ULK4: variants seen among roughly 807,000 people sequenced by gnomAD.
The protein encoded by ULK4 is unc-51 like kinase 4.
ULK4 carries 133 observed loss-of-function variants against 160.6 expected under a neutral mutation model. The observed-to-expected ratio is 0.83, with a 90% confidence interval of 0.72 to 0.96. ULK4 has a LOEUF of 0.96. Among genes scored for constraint, ULK4 ranks in the 40% least tolerant of loss-of-function variants. ULK4 has a pLI of 0.00. For synonymous variants in ULK4, 534 were observed against 539.8 expected, an observed-to-expected ratio of 0.99 and a Z score of 0.15; for missense variants, 1,580 against 1,499.5, an observed-to-expected ratio of 1.05 and a Z score of -0.89.
chr3:41,259,429 T>C (rs1044494618), intron 35 of ULK4, among the ~76,000 whole-genome samples: 7 of 152,256 alleles, frequency 4.6e-5, no homozygotes, highest in African/African-American at 1.7e-4. Context: ...AACCCTGAAG[T>C]TGGCAGCCTC....
intron 34 of ULK4, among the ~76,000 whole-genome samples, chr3:41,416,807 A>G (rs925675432): frequency 2.6e-5 from 4 of 152,152 alleles, no homozygotes; most frequent in Non-Finnish European, 5.9e-5. Flanking sequence ...CAGGAGGAAA[A>G]GGAGGGAGAA....
chr3:41,493,380 C>G (rs1222660139), intron 32 of ULK4, among the ~76,000 whole-genome samples: 2 of 140,794 alleles, frequency 1.4e-5, no homozygotes, highest in East Asian at 2.0e-4. Context: ...TTGAAACCAA[C>G]GAGAACAAAG....
At chr3:41,642,689 C>G (rs2034274565) in intron 30 of ULK4, among the ~76,000 whole-genome samples, 1 of 152,150 alleles carries the variant, frequency 6.6e-6, no homozygotes, top group African/African-American at 2.4e-5. Context: ...ATTTATAGTC[C>G]TTTGGGTATA....
chr3:41,316,632 G>A lies in ULK4; in HGVS notation c.3679-67058C>T, dbSNP rs571855381. ...TTACTAGAAGAGGGAGACAGGGAGCGGGTGTGGGTTGAAAAACTACCTGCT... is the reference window on the plus strand; with the variant it reads ...TTACTAGAAGAGGGAGACAGGGAGCAGGTGTGGGTTGAAAAACTACCTGCT... On this transcript the variant is annotated intron_variant, in intron 35 of 36. Transcript: ENST00000301831. Among the ~76,000 whole-genome samples the A allele has an allele frequency of 5.3e-5, 8 of 152,282 alleles. No individual in the cohort carries two copies. In the South Asian group the frequency reaches 1.2e-3, roughly 24 times the overall value.
intron 21 of ULK4, among the ~76,000 whole-genome samples, chr3:41,758,383 T>A (rs1221191638): frequency 6.6e-6 from 1 of 152,124 alleles, no homozygotes; most frequent in Non-Finnish European, 1.5e-5. Context: ...TTGAAGGAAC[T>A]ATCATTAAAT....
chr3:41,537,165 G>A (rs1020875057), intron 32 of ULK4, among the ~76,000 whole-genome samples: 3 of 149,606 alleles, frequency 2.0e-5, no homozygotes, highest in South Asian at 2.1e-4. Context: ...TCCACGATTC[G>A]TATCTTGAAA....
At chr3:41,305,358 G>A (rs2079886402) in intron 35 of ULK4, among the ~76,000 whole-genome samples, 1 of 152,220 alleles carries the variant, frequency 6.6e-6, no homozygotes, top group Non-Finnish European at 1.5e-5. Flanking sequence ...AGCATGCTGA[G>A]TGCCTGCGAT....
intron 17 of ULK4, among the ~76,000 whole-genome samples, chr3:41,856,631 G>GTA (rs1445291886): frequency 2.3e-5 from 3 of 129,714 alleles, no homozygotes; most frequent in Middle Eastern, 4.2e-3. Context: ...ATATATATAT[G>GTA]TATATATATG....
At chr3:41,905,854 C>A (rs1314755244) in intron 12 of ULK4, among the ~76,000 whole-genome samples, 2 of 152,020 alleles carry the variant, frequency 1.3e-5, no homozygotes, top group African/African-American at 2.4e-5. Context: ...ACAGGTGGAT[C>A]ATTTGAGGTC....
chr3:41,734,803 C>A (rs1319533558), intron 22 of ULK4, among the ~76,000 whole-genome samples: 1 of 152,152 alleles, frequency 6.6e-6, no homozygotes, highest in Non-Finnish European at 1.5e-5. Context: ...GGAAATTGTA[C>A]CATTCACAGT....
At chr3:41,789,323 C>T (rs1209418545) in intron 21 of ULK4, among the ~76,000 whole-genome samples, 1 of 152,064 alleles carries the variant, frequency 6.6e-6, no homozygotes, top group Non-Finnish European at 1.5e-5. Context: ...ACTCCTCCCC[C>T]TAAAAAAGGC....
intron 34 of ULK4, among the ~76,000 whole-genome samples, chr3:41,446,590 G>A (rs1417323180): frequency 6.6e-6 from 1 of 151,406 alleles, no homozygotes; most frequent in African/African-American, 2.4e-5. Flanking sequence ...CATGGATGAA[G>A]CTGGAAACCA....
At position 41,431,547 on chromosome 3, in the gene ULK4, C is replaced by CCTTTTTTTTTTTTTTTTTTTTTTT. The variant is rs563543377; in HGVS notation, c.3492+23949_3492+23950insAAAAAAAAAAAAAAAAAAAAAAAG. ...CCTGTGAGGTGTTGTAATTCCCTCC[C>CCTTTTTTTTTTTTTTTTTTTTTTT]TTTTTTTTTTTTTTTGATGTGGAAA... On this transcript the variant is annotated intron_variant, in intron 34 of 36. Coordinates refer to ENST00000301831, the MANE Select transcript of ULK4 (RefSeq NM_017886.4). Among the ~76,000 whole-genome samples the CCTTTTTTTTTTTTTTTTTTTTTTT allele has an allele frequency of 1.6e-3, 158 of 95,862 alleles. 1 individual carries two copies. Among genetic ancestry groups the CCTTTTTTTTTTTTTTTTTTTTTTT allele is most frequent in the Middle Eastern group, 5.6e-3 (1 of 178 alleles). The allele number at this position is 95,862 out of a possible 152,430, so 62.9% of individuals were successfully genotyped here.
At chr3:41,488,904 G>C (rs1247641650) in intron 32 of ULK4, among the ~76,000 whole-genome samples, 1 of 152,022 alleles carries the variant, frequency 6.6e-6, no homozygotes, top group African/African-American at 2.4e-5. Flanking sequence ...AAATAGAGCT[G>C]AGAAAATGAC....
intron 34 of ULK4, among the ~76,000 whole-genome samples, chr3:41,413,255 A>C (rs967648604): frequency 6.6e-6 from 1 of 152,144 alleles, no homozygotes; most frequent in Non-Finnish European, 1.5e-5. Context: ...CCCTCCCTCA[A>C]CATGAGGGGA....
intron 35 of ULK4, among the ~76,000 whole-genome samples, chr3:41,275,323 T>C (rs1293352883): frequency 1.3e-5 from 2 of 152,260 alleles, no homozygotes; most frequent in Non-Finnish European, 2.9e-5. Flanking sequence ...AACAGTTCTA[T>C]AGCACTTTGT....
intron 35 of ULK4, among the ~76,000 whole-genome samples, chr3:41,282,503 A>G (rs1365127749): frequency 6.6e-6 from 1 of 152,224 alleles, no homozygotes; most frequent in African/African-American, 2.4e-5. Context: ...CCACACATCT[A>G]CAATCATCTG....
chr3:41,956,274 A>C (rs1700482218), intron 1 of ULK4, among the ~76,000 whole-genome samples: 1 of 152,212 alleles, frequency 6.6e-6, no homozygotes, highest in Non-Finnish European at 1.5e-5. Flanking sequence ...ATTGCAGGCC[A>C]CCACTTGATT....
At chr3:41,442,394 T>C (rs1048511486) in intron 34 of ULK4, among the ~76,000 whole-genome samples, 2 of 152,182 alleles carry the variant, frequency 1.3e-5, no homozygotes, top group Non-Finnish European at 2.9e-5. Context: ...AAATCACATG[T>C]AGTTCTACCA....
Sources: allele counts gnomAD v4.1 joint callset (sites outside exome capture counted in the v4.1 genomes callset), GRCh38; gene constraint gnomAD v4.1.1; transcripts MANE v1.5; gene names NCBI Gene and HGNC (gene_info 2026-07-23, HGNC 2026-07-21).